Variants in MYO1E observed in about 807,000 individuals in gnomAD.
MYO1E encodes myosin IE.
MYO1E carries 68 observed loss-of-function variants against 151.1 expected under a neutral mutation model. The ratio of observed to expected loss-of-function variants is 0.45; its 90% CI spans 0.37 to 0.55. The LOEUF (loss-of-function observed/expected upper bound fraction) is 0.55, where lower values mean the gene tolerates loss of function less well. MYO1E is among the 20% of genes least tolerant of loss of function. The pLI, the probability that MYO1E is intolerant of heterozygous loss-of-function variation, is 0.00. For synonymous variants in MYO1E, 601 were observed against 501.7 expected, an observed-to-expected ratio of 1.20 and a Z score of -2.64; for missense variants, 1,363 against 1,389.3, an observed-to-expected ratio of 0.98 and a Z score of 0.30.
intron 2 of MYO1E, among the ~76,000 whole-genome samples, chr15:59,271,624 A>G (rs1393001904): frequency 2.6e-5 from 4 of 152,376 alleles, no homozygotes; most frequent in Non-Finnish European, 2.9e-5. Flanking sequence ...CCCATAAAAA[A>G]TGGCATCCGG....
chr15:59,276,275 T>C (rs1453493867), intron 1 of MYO1E, among the ~76,000 whole-genome samples: 1 of 152,152 alleles, frequency 6.6e-6, no homozygotes, highest in Non-Finnish European at 1.5e-5. Flanking sequence ...TACTACTTCA[T>C]GACTCTCAGG....
chr15:59,204,762 C>T (rs1051531613), intron 15 of MYO1E, among the ~76,000 whole-genome samples: 3 of 152,188 alleles, frequency 2.0e-5, no homozygotes, highest in African/African-American at 7.2e-5. Flanking sequence ...TTCTTCAGTA[C>T]TTCAGGGACT....
intron 25 of MYO1E, among the ~76,000 whole-genome samples, chr15:59,155,309 T>G (rs745316259): frequency 6.6e-6 from 1 of 152,244 alleles, no homozygotes; most frequent in Non-Finnish European, 1.5e-5. Context: ...TAATAAGACA[T>G]TTTGGCTTAT....
chr15:59,196,986 C>CTTTTTTTTTTTTTTTTTTTTTTT lies in MYO1E; in HGVS notation c.1699-1442_1699-1420dup, dbSNP rs71977305. On this transcript the variant is annotated intron_variant, in intron 16 of 27. Coordinates refer to ENST00000288235, the MANE Select transcript of MYO1E (RefSeq NM_004998.4). ...ATTTTAGTTTTGTATTTAATTACGA[C>CTTTTTTTTTTTTTTTTTTTTTTT]TTTTTTTTTTTTTTTTTTTTTTTTG... Among the ~76,000 whole-genome samples the CTTTTTTTTTTTTTTTTTTTTTTT allele has an allele frequency of 4.2e-5, 3 of 71,492 alleles. 1 individual carries two copies. The highest frequency in any genetic ancestry group is 2.5e-5 in the Non-Finnish European group (1 of 40,622). The allele number at this position is 71,492 out of a possible 152,430, so 46.9% of individuals were successfully genotyped here. A position where few individuals can be genotyped will look rare whatever the true frequency, so the allele number is the denominator to read the frequency against.
chr15:59,354,941 G>A (rs1465312446), intron 1 of MYO1E, among the ~76,000 whole-genome samples: 3 of 152,182 alleles, frequency 2.0e-5, no homozygotes, highest in East Asian at 3.9e-4. Flanking sequence ...GGAAGCCCTA[G>A]TGGTTTTATC....
intron 1 of MYO1E, among the ~76,000 whole-genome samples, chr15:59,314,919 G>A (rs907638829): frequency 6.6e-6 from 1 of 152,172 alleles, no homozygotes; most frequent in Non-Finnish European, 1.5e-5. Flanking sequence ...CGGGGTGGCA[G>A]GAGGAATGAG....
At chr15:59,336,835 C>G (rs879353080) in intron 1 of MYO1E, among the ~76,000 whole-genome samples, 1 of 148,192 alleles carries the variant, frequency 6.7e-6, no homozygotes, top group Non-Finnish European at 1.5e-5. Context: ...TCAGTGAGAA[C>G]ATGCGGTGTT....
At chr15:59,257,202 A>G (rs1354951918) in intron 3 of MYO1E, among the ~76,000 whole-genome samples, 1 of 152,214 alleles carries the variant, frequency 6.6e-6, no homozygotes, top group African/African-American at 2.4e-5. Context: ...TTGAGTATAT[A>G]TGGAGAAAGA....
chr15:59,372,465 C>G, intron 1 of MYO1E, 33 bp downstream of exon 1: 2 of 1,537,554 alleles, frequency 1.3e-6, no homozygotes, highest in Middle Eastern at 2.3e-4. Context: ...GTCCCCGGGT[C>G]CGGCGTCCTA....
At position 59,372,546 on chromosome 15, in the gene MYO1E, G is replaced by A. The variant is rs1036311672; in HGVS notation, c.-46C>T. Reference sequence around the variant, plus strand: ...CGTCTTCGCCGGGTCCCGCTGCCGGGGAACTGGGGCTGGAACGCAGTCTTC... The same window carrying A: ...CGTCTTCGCCGGGTCCCGCTGCCGGAGAACTGGGGCTGGAACGCAGTCTTC... On this transcript the variant is annotated 5_prime_UTR_variant, in exon 1 of 28. Coordinates refer to ENST00000288235, the MANE Select transcript of MYO1E (RefSeq NM_004998.4). The A allele has an allele frequency of 1.3e-6, 2 of 1,535,116 alleles. No individual in the cohort carries two copies. Among genetic ancestry groups the A allele is most frequent in the African/African-American group, 2.8e-5 (2 of 72,670 alleles).
At chr15:59,244,189 G>A (rs2080116210) in intron 4 of MYO1E, among the ~76,000 whole-genome samples, 1 of 152,200 alleles carries the variant, frequency 6.6e-6, no homozygotes, top group Non-Finnish European at 1.5e-5. Context: ...GTTAATTGGT[G>A]TTGTCAAGCA....
At chr15:59,151,647 T>C (rs889181776) in intron 26 of MYO1E, among the ~76,000 whole-genome samples, 6 of 152,170 alleles carry the variant, frequency 3.9e-5, no homozygotes, top group African/African-American at 1.4e-4. Context: ...GCACAGTGGC[T>C]CACGCCTGTA....
intron 19 of MYO1E, among the ~76,000 whole-genome samples, chr15:59,176,741 G>C (rs1199359320): frequency 2.0e-5 from 3 of 152,164 alleles, no homozygotes; most frequent in African/African-American, 7.2e-5. Context: ...AGAGGCATGA[G>C]CCACTGTGCC....
rs367623827 is a variant in MYO1E, at chr15:59,195,518, T to C, written c.1748A>G (p.Tyr583Cys). ...TTCGTTTGGCTTGATGCAGCGAATG[T>C]AGTGGGGCGTACATTTCATCAGGGT... The part of the protein sequence containing the change: ...VSTLMKCTPH[Y>C]IRCIKPNETK... The change falls in exon 17 of 28, where the codon TAC (tyrosine) becomes TGC (cysteine). Residue 583 changes from tyrosine to cysteine, a missense_variant. Tyr to Cys is a radical substitution (Grantham distance 194). Coordinates refer to ENST00000288235, the MANE Select transcript of MYO1E (RefSeq NM_004998.4). 7.4e-6 allele frequency: 12 copies of C among 1,614,032 alleles called. No individual in the cohort carries two copies. The highest frequency in any genetic ancestry group is 1.0e-5 in the Non-Finnish European group (12 of 1,180,016).
intron 1 of MYO1E, among the ~76,000 whole-genome samples, chr15:59,305,137 T>C (rs1450119731): frequency 6.6e-6 from 1 of 152,236 alleles, no homozygotes; most frequent in African/African-American, 2.4e-5. Context: ...AACAACTGCC[T>C]CTAAGCAGCC....
rs1489622681 is a variant in MYO1E, at chr15:59,372,637, G to A, written c.-137C>T. 4 of 1,113,450 alleles carry A rather than the reference G, an allele frequency of 3.6e-6. No individual in the cohort carries two copies. Among genetic ancestry groups the A allele is most frequent in the African/African-American group, 1.6e-5 (1 of 63,340 alleles). 69.0% of individuals were successfully genotyped at this position (1,113,450 alleles called of 1,614,324 possible). A position where few individuals can be genotyped will look rare whatever the true frequency, so the allele number is the denominator to read the frequency against. ...GCTCCCGACACCCAAGCACTCACAG[G>A]AGCCAATGGGAACCCAGAGGGGACT... On this transcript the variant is annotated 5_prime_UTR_variant, in exon 1 of 28. Transcript: ENST00000288235.
chr15:59,198,506 G>A (rs1416717454), intron 16 of MYO1E, among the ~76,000 whole-genome samples: 1 of 152,070 alleles, frequency 6.6e-6, no homozygotes, highest in African/African-American at 2.4e-5. Context: ...TCTAGAGATT[G>A]AAATACATAT....
At chr15:59,240,387 G>T (rs192558611) in intron 4 of MYO1E, among the ~76,000 whole-genome samples, 2,405 of 151,988 alleles carry the variant, frequency 0.016, 62 homozygotes, top group African/African-American at 0.052. Flanking sequence ...TCTGTGTGTG[G>T]GGGGGGTCTG....
chr15:59,225,330 C>T (rs749185232), intron 7 of MYO1E, among the ~76,000 whole-genome samples: 4 of 152,190 alleles, frequency 2.6e-5, no homozygotes, highest in East Asian at 1.9e-4. Flanking sequence ...ACCACTCTGG[C>T]GGAACCCTTG....
Sources: gnomAD v4.1 joint callset for allele counts (sites outside exome capture counted in the v4.1 genomes callset) on GRCh38, gnomAD v4.1.1 for gene constraint, MANE v1.5 for transcripts, NCBI Gene and HGNC (gene_info 2026-07-23, HGNC 2026-07-21) for gene names.